The following SPOCK1 variants were observed in gnomAD, a reference collection of about 807,000 sequenced individuals.
SPOCK1 encodes SPARC (osteonectin), cwcv and kazal like domains proteoglycan 1.
Under a neutral mutation model 55.3 loss-of-function variants are expected in SPOCK1, and 23 were observed. That is an observed-to-expected ratio of 0.42 (90% CI 0.30 to 0.59). The LOEUF (loss-of-function observed/expected upper bound fraction) is 0.59. Ranked by LOEUF, SPOCK1 falls within the 20% of genes least tolerant of loss-of-function variation. SPOCK1 has a pLI of 0.22. For synonymous variants in SPOCK1, 226 were observed against 221.0 expected (o/e 1.02, Z -0.20); for missense variants, 499 against 552.5 (o/e 0.90, Z 0.97).
chr5:137,398,911 A>G (rs984870530), intron 2 of SPOCK1, among the ~76,000 whole-genome samples: 1 of 152,194 alleles, frequency 6.6e-6, no homozygotes, highest in Non-Finnish European at 1.5e-5. Context: ...TACAGCATGC[A>G]CCACGCCAAT....
chr5:137,137,712 C>T (rs187146203), intron 4 of SPOCK1, among the ~76,000 whole-genome samples: 13 of 152,324 alleles, frequency 8.5e-5, no homozygotes, highest in East Asian at 1.9e-4. Context: ...GTCATCCTCA[C>T]GCTAAACCTC....
chr5:137,090,599 A>G (rs1753035551), intron 5 of SPOCK1, among the ~76,000 whole-genome samples: 1 of 152,208 alleles, frequency 6.6e-6, no homozygotes, highest in African/African-American at 2.4e-5. Flanking sequence ...ATGGGGACCC[A>G]GCAGGCACCT....
At chr5:137,434,480 C>CTTTTTTTTT (rs146762668) in intron 2 of SPOCK1, among the ~76,000 whole-genome samples, 3,918 of 68,718 alleles carry the variant, frequency 0.057, 108 homozygotes, top group East Asian at 0.091. Flanking sequence ...TCTTTTTTTT[C>CTTTTTTTTT]TTTTTTTTTT....
Position 137,206,596 on chromosome 5 carries a change from T to A in SPOCK1, c.232+60414A>T, listed in dbSNP as rs114695351. ...CCGTGTGTCTGTTTCTTCACTTATATCAACCAACTGCTCCTTAGGGCTCCT... is the reference window on the plus strand; with the variant it reads ...CCGTGTGTCTGTTTCTTCACTTATAACAACCAACTGCTCCTTAGGGCTCCT... On this transcript the variant is annotated intron_variant, in intron 3 of 10. Transcript: ENST00000394945. Among the ~76,000 whole-genome samples, 628 of 152,334 alleles carry A rather than the reference T, an allele frequency of 4.1e-3. 2 individuals are homozygous for A. Among genetic ancestry groups the A allele is most frequent in the African/African-American group, 0.015 (617 of 41,580 alleles).
intron 2 of SPOCK1, among the ~76,000 whole-genome samples, chr5:137,475,126 G>C (rs766470488): frequency 2.4e-4 from 37 of 152,136 alleles, no homozygotes; most frequent in Middle Eastern, 3.2e-3. Context: ...CATCTTATGT[G>C]ATACAGTGGG....
At chr5:137,043,832 G>A (rs1468763879) in intron 6 of SPOCK1, among the ~76,000 whole-genome samples, 1 of 152,172 alleles carries the variant, frequency 6.6e-6, no homozygotes, top group African/African-American at 2.4e-5. Flanking sequence ...TCCTGGATGA[G>A]ATCCTGGAAC....
intron 2 of SPOCK1, among the ~76,000 whole-genome samples, chr5:137,429,456 G>C (rs1752699395): frequency 6.6e-6 from 1 of 152,018 alleles, no homozygotes; most frequent in African/African-American, 2.4e-5. Context: ...ATAAGTATTT[G>C]TTTAATGGCT....
At position 136,989,227 on chromosome 5, in the gene SPOCK1, T is replaced by A. The variant is rs1332307508; in HGVS notation, c.707-584A>T. ...CCCTAAGGAGATCCATGAGATGGAATCCAAATCAACTCAGACAATAATTTC... is the reference window on the plus strand; with the variant it reads ...CCCTAAGGAGATCCATGAGATGGAAACCAAATCAACTCAGACAATAATTTC... On this transcript the variant is annotated intron_variant, in intron 7 of 10. Coordinates refer to ENST00000394945, the MANE Select transcript of SPOCK1 (RefSeq NM_004598.4). Among the ~76,000 whole-genome samples the A allele has an allele frequency of 5.9e-5, 9 of 152,352 alleles. 1 individual carries two copies. In the South Asian group the frequency reaches 1.9e-3, roughly 32 times the overall value.
intron 6 of SPOCK1, among the ~76,000 whole-genome samples, chr5:137,033,221 C>T (rs907047643): frequency 1.3e-5 from 2 of 152,178 alleles, no homozygotes; most frequent in South Asian, 2.1e-4. Context: ...ACTGGAGTCC[C>T]GGTGTGCTGC....
chr5:137,485,199 C>G (rs1183777378), intron 2 of SPOCK1, among the ~76,000 whole-genome samples: 1 of 152,176 alleles, frequency 6.6e-6, no homozygotes, highest in Non-Finnish European at 1.5e-5. Flanking sequence ...CCCACCATTA[C>G]AGCATAAATA....
chr5:137,013,212 C>A (rs773640952), intron 6 of SPOCK1, among the ~76,000 whole-genome samples: 1 of 143,876 alleles, frequency 7.0e-6, no homozygotes. Context: ...TTTGTGATTT[C>A]TTTTTAGGTT....
chr5:137,022,249 CAA>C (rs549840066), intron 6 of SPOCK1, among the ~76,000 whole-genome samples: 212 of 152,166 alleles, frequency 1.4e-3, no homozygotes, highest in African/African-American at 4.9e-3. Flanking sequence ...TGAGGAAGCC[CAA>C]GAGACCACAA....
intron 2 of SPOCK1, among the ~76,000 whole-genome samples, chr5:137,332,214 C>A (rs368317751): frequency 1.3e-5 from 2 of 152,048 alleles, no homozygotes; most frequent in African/African-American, 4.8e-5. Context: ...TGTCTCGACA[C>A]TCCCCCCCAG....
intron 2 of SPOCK1, among the ~76,000 whole-genome samples, chr5:137,332,732 T>C (rs1418409692): frequency 1.3e-5 from 2 of 152,098 alleles, no homozygotes; most frequent in East Asian, 1.9e-4. Flanking sequence ...GTGTAGATAC[T>C]ACACTTGATC....
chr5:136,980,991 T>G (rs921904677), intron 9 of SPOCK1, among the ~76,000 whole-genome samples: 1 of 152,290 alleles, frequency 6.6e-6, no homozygotes, highest in South Asian at 2.1e-4. Flanking sequence ...TGGTAACTGA[T>G]AGTATCCATT....
chr5:136,997,262 G>A (rs1415011181), intron 6 of SPOCK1, among the ~76,000 whole-genome samples: 1 of 152,080 alleles, frequency 6.6e-6, no homozygotes, highest in African/African-American at 2.4e-5. Flanking sequence ...GCAAACACTT[G>A]GGAATTGTCC....
chr5:137,008,295 T>TACACACACACACAC (rs141325417), intron 6 of SPOCK1, among the ~76,000 whole-genome samples: 181 of 138,410 alleles, frequency 1.3e-3, no homozygotes, highest in South Asian at 2.7e-3. Flanking sequence ...TAATAATAAA[T>TACACACACACACAC]ACACACACAC....
intron 9 of SPOCK1, among the ~76,000 whole-genome samples, chr5:136,984,936 G>A (rs745962455): frequency 2.0e-5 from 3 of 152,186 alleles, no homozygotes; most frequent in Non-Finnish European, 4.4e-5. Flanking sequence ...CTCTCTTCCT[G>A]CCGAAGGAAC....
rs989313151 is a variant in SPOCK1, at chr5:137,086,445, A to G, written c.475-18616T>C. 7.2e-5 allele frequency among the ~76,000 whole-genome samples: 11 copies of G among 152,312 alleles called. No homozygotes were observed. In the East Asian group the frequency reaches 2.1e-3, roughly 29 times the overall value. On this transcript the variant is annotated intron_variant, in intron 5 of 10. Transcript: ENST00000394945. ...CAGCCCTCAGGGAGGAGGTCACAAA[A>G]GAAAGTCTCAAACATGAGGGCACAG...
Sources: gnomAD v4.1 joint callset for allele counts (sites outside exome capture counted in the v4.1 genomes callset) on GRCh38, gnomAD v4.1.1 for gene constraint, MANE v1.5 for transcripts, NCBI Gene and HGNC (gene_info 2026-07-23, HGNC 2026-07-21) for gene names.